Variants in ABCA12 observed in about 807,000 individuals in gnomAD.
The protein encoded by ABCA12 is ATP binding cassette subfamily A member 12.
In ABCA12, 156 loss-of-function variants were observed where a neutral mutation model predicts 293.5. That is an observed-to-expected ratio of 0.53 (90% CI 0.47 to 0.61). The LOEUF (loss-of-function observed/expected upper bound fraction) is 0.61. ABCA12 is among the 20% of genes least tolerant of loss of function. The pLI is 0.00. For synonymous variants in ABCA12, 1,063 were observed against 1,108.0 expected (o/e 0.96, Z 0.81); for missense variants, 2,797 against 3,090.2 (o/e 0.91, Z 2.25).
rs1266760446 is a variant in ABCA12, at chr2:214,982,226, G to A, written c.4540C>T (p.Arg1514Cys). 4 of 1,613,844 alleles carry A rather than the reference G, an allele frequency of 2.5e-6. No homozygotes were observed. Among genetic ancestry groups the A allele is most frequent in the South Asian group, 1.1e-5 (1 of 91,066 alleles). ...GATATAACATCCCATATACTTCGGC[G>A]AGAACATGGGTCAACTCCAGTAGAT... is the stretch of plus-strand genomic sequence containing the variant. ...EPSTGVDPCSRRSIWDVISKN... is the reference protein window; with the variant it reads ...EPSTGVDPCSCRSIWDVISKN... Residue 1514 changes from arginine (R) to cysteine (C), a missense_variant, in exon 30 of 53, where the codon CGC becomes TGC. By Grantham distance (180) the Arg-to-Cys change is radical. This residue lies in a region of ABCA12 where 2,130 missense variants were observed against 2,427.0 expected (regional missense o/e 0.88). Coordinates refer to ENST00000272895, the MANE Select transcript of ABCA12 (RefSeq NM_173076.3).
intron 41 of ABCA12, among the ~76,000 whole-genome samples, chr2:214,957,042 G>C (rs1451519714): frequency 6.6e-6 from 1 of 152,176 alleles, no homozygotes; most frequent in African/African-American, 2.4e-5. Context: ...CCTGCCTCTA[G>C]GCTTTGAGAC....
intron 17 of ABCA12, 129 bp downstream of exon 17, chr2:215,011,310 A>G: frequency 1.4e-6 from 1 of 740,730 alleles, no homozygotes; most frequent in Non-Finnish European, 2.3e-6. Flanking sequence ...TAAGTGCTGT[A>G]TAATTATTTT....
At chr2:215,040,084 A>G (rs921111185) in intron 7 of ABCA12, among the ~76,000 whole-genome samples, 1 of 152,160 alleles carries the variant, frequency 6.6e-6, no homozygotes, top group East Asian at 1.9e-4. Flanking sequence ...ATCAGTTTTT[A>G]AAATTTAAAT....
At chr2:214,981,986 T>TA (rs1553524769) in intron 30 of ABCA12, among the ~76,000 whole-genome samples, 1 of 129,940 alleles carries the variant, frequency 7.7e-6, no homozygotes, top group African/African-American at 3.1e-5. Context: ...TTATTATTAT[T>TA]TTATTATTAT....
At chr2:215,101,290 A>AAAATTTCTTTT (rs1702351560) in intron 2 of ABCA12, among the ~76,000 whole-genome samples, 2 of 152,218 alleles carry the variant, frequency 1.3e-5, no homozygotes, top group African/African-American at 4.8e-5. Flanking sequence ...AAGAAAGGAA[A>AAAATTTCTTTT]AAGTAGCTCA....
intron 21 of ABCA12, 131 bp from the exon 22 acceptor site, chr2:215,001,151 T>A: frequency 1.1e-6 from 1 of 893,262 alleles, no homozygotes; most frequent in South Asian, 1.7e-5. Flanking sequence ...TTCAGGTTCT[T>A]AATTTACAGA....
At chr2:215,064,032 A>G in intron 3 of ABCA12, 34 bp downstream of exon 3, 1 of 1,612,116 alleles carries the variant, frequency 6.2e-7, no homozygotes. Context: ...TTGATCTCTC[A>G]GAACAATTGA....
chr2:214,975,229 T>G (rs7590791), intron 34 of ABCA12, among the ~76,000 whole-genome samples: 74,853 of 152,044 alleles, frequency 0.49, 18,603 homozygotes, highest in Middle Eastern at 0.59. Context: ...CTCCCAAGGT[T>G]CTAGGATTAC....
chr2:214,951,052 C>T lies in ABCA12; in HGVS notation c.6679G>A (p.Val2227Ile). Residue 2227 changes from valine to isoleucine, a missense_variant, in exon 45 of 53, where the codon GTA (valine) becomes ATA (isoleucine). By Grantham distance (29) the Val-to-Ile change is conservative (BLOSUM62 3). Coordinates refer to ENST00000272895, the MANE Select transcript of ABCA12 (RefSeq NM_173076.3). ...LFFRKFNSSH[V>I]RETIDEDEDV... ...TCATCCTCATCTATTGTCTCCCTTA[C>T]ATGTGAAGAATTAAATTTTCTGAAG... The T allele has an allele frequency of 6.2e-7, 1 of 1,614,110 alleles. No homozygotes were observed.
intron 7 of ABCA12, among the ~76,000 whole-genome samples, chr2:215,043,041 A>G (rs1475885051): frequency 6.6e-6 from 1 of 151,982 alleles, no homozygotes; most frequent in African/African-American, 2.4e-5. Flanking sequence ...AGAGTGTGCA[A>G]GAGTTTCCCT....
chr2:215,045,567 A>G (rs1701184912), intron 7 of ABCA12, among the ~76,000 whole-genome samples: 1 of 152,156 alleles, frequency 6.6e-6, no homozygotes, highest in Admixed American at 6.6e-5. Context: ...TGTACACCTC[A>G]TTCTTAGAAG....
At chr2:215,083,067 C>T (rs912698692) in intron 2 of ABCA12, among the ~76,000 whole-genome samples, 1 of 152,178 alleles carries the variant, frequency 6.6e-6, no homozygotes, top group Non-Finnish European at 1.5e-5. Flanking sequence ...GAGCTGAAAG[C>T]TGATGGAAGT....
Position 214,978,869 on chromosome 2 carries a change from G to C in ABCA12, c.4912C>G (p.Leu1638Val). Residue 1638 changes from leucine to valine, a missense_variant, in exon 32 of 53, where the codon CTC (leucine) becomes GTC (valine). This residue lies in a region of ABCA12 where 2,130 missense variants were observed against 2,427.0 expected (regional missense o/e 0.88). Transcript: ENST00000272895. ...TTGAGGTCACCCATGCCATTGTCGA[G>C]TGCCCGTAGGAGTGACAGGTAGGCC... is the stretch of plus-strand genomic sequence containing the variant. ...SGAYLSLLRA[L>V]DNGMGDLNIG... 1 of 1,614,094 alleles carries C rather than the reference G, an allele frequency of 6.2e-7. No homozygotes were observed. Among genetic ancestry groups the C allele is most frequent in the South Asian group, 1.1e-5 (1 of 91,080 alleles).
intron 51 of ABCA12, 111 bp downstream of exon 51, chr2:214,937,399 A>G: frequency 1.3e-6 from 1 of 768,068 alleles, no homozygotes; most frequent in Non-Finnish European, 2.2e-6. Context: ...GGGTTTCACC[A>G]TGTTGGCCAG....
At chr2:215,088,134 G>A (rs1388013164) in intron 2 of ABCA12, among the ~76,000 whole-genome samples, 1 of 152,206 alleles carries the variant, frequency 6.6e-6, no homozygotes, top group African/African-American at 2.4e-5. Flanking sequence ...GTAATTTTGA[G>A]TTAGAAGAAT....
intron 1 of ABCA12, among the ~76,000 whole-genome samples, chr2:215,126,748 C>T (rs909602537): frequency 1.3e-5 from 2 of 151,878 alleles, no homozygotes; most frequent in Non-Finnish European, 2.9e-5. Context: ...AAAAAACCAG[C>T]TTTTTGTTTC....
intron 22 of ABCA12, 65 bp downstream of exon 22, chr2:215,000,640 T>C: frequency 6.4e-7 from 1 of 1,568,806 alleles, no homozygotes; most frequent in Non-Finnish European, 8.7e-7. Flanking sequence ...TCTGAATGAA[T>C]GGACTGAAGT....
At chr2:215,008,754 A>G (rs1003502803) in intron 18 of ABCA12, among the ~76,000 whole-genome samples, 3 of 152,142 alleles carry the variant, frequency 2.0e-5, no homozygotes, top group African/African-American at 7.2e-5. Context: ...GGATCAAGAG[A>G]AGAGGAAAAG....
intron 7 of ABCA12, 105 bp downstream of exon 7, chr2:215,045,732 C>T: frequency 2.9e-6 from 3 of 1,026,650 alleles, no homozygotes; most frequent in Non-Finnish European, 4.3e-6. Flanking sequence ...GGATTATTTG[C>T]TCTGTGTTTA....
Sources: gnomAD v4.1 joint callset for allele counts (sites outside exome capture counted in the v4.1 genomes callset) on GRCh38, gnomAD v4.1.1 for gene constraint, gnomAD v4.1.1 regional missense constraint, MANE v1.5 for transcripts, NCBI Gene and HGNC (gene_info 2026-07-23, HGNC 2026-07-21) for gene names.